WDR19: variants seen among roughly 807,000 people sequenced by gnomAD.
WDR19 encodes WD repeat domain 19.
A neutral mutation model predicts 180.0 loss-of-function variants in WDR19; 121 were observed. The observed-to-expected ratio is 0.67, with a 90% confidence interval of 0.58 to 0.78. The LOEUF is 0.78. Ranked by LOEUF, WDR19 falls within the 30% of genes least tolerant of loss-of-function variation. The pLI, the probability that WDR19 is intolerant of heterozygous loss-of-function variation, is 0.00. For synonymous variants in WDR19, 497 were observed against 540.7 expected (o/e 0.92, Z 1.12); for missense variants, 1,450 against 1,640.7 (o/e 0.88, Z 2.01).
intron 9 of WDR19, among the ~76,000 whole-genome samples, chr4:39,210,489 C>T (rs1055680618): frequency 1.8e-4 from 27 of 152,104 alleles, no homozygotes; most frequent in Non-Finnish European, 1.8e-4. Flanking sequence ...TCGAGACCAG[C>T]CTGGGCAATA....
intron 19 of WDR19, 53 bp from the exon 20 acceptor site, chr4:39,234,713 C>A: frequency 1.6e-6 from 2 of 1,214,018 alleles, no homozygotes; most frequent in Non-Finnish European, 2.4e-6. Flanking sequence ...TTTGTGGTAA[C>A]TTTGCAAAAT....
Position 39,254,039 on chromosome 4 carries a change from C to T in WDR19, c.3001+9C>T, listed in dbSNP as rs1318288083. ...CTATGCAGATATTATTGGTAAATAT[C>T]ATTTTTTCCCTGGTTCTCTTCAAGA... On this transcript the variant is annotated intron_variant, in intron 26 of 36. Coordinates refer to ENST00000399820, the MANE Select transcript of WDR19 (RefSeq NM_025132.4). The T allele has an allele frequency of 6.2e-7, 1 of 1,603,830 alleles. No individual in the cohort carries two copies.
intron 17 of WDR19, among the ~76,000 whole-genome samples, chr4:39,231,042 T>C (rs567219353): frequency 7.2e-4 from 110 of 151,788 alleles, no homozygotes; most frequent in African/African-American, 2.6e-3. Flanking sequence ...CCGGGGACGG[T>C]GGCTCACACC....
In WDR19 at chr4:39,215,293, T is replaced by TTTTCTTTC. The variant is rs756637025; in HGVS notation, c.962-541_962-540insCTTTCTTT. On this transcript the variant is annotated intron_variant, in intron 10 of 36. Transcript: ENST00000399820. ...ACATACATGGTCCATATTTACTACC[T>TTTTCTTTC]TTTCTTTGTTTCTTTCTTTCTTTCT... is the stretch of plus-strand genomic sequence containing the variant. 2.4e-3 allele frequency among the ~76,000 whole-genome samples: 355 copies of TTTTCTTTC among 145,358 alleles called. 1 individual carries two copies. The highest frequency in any genetic ancestry group is 4.8e-3 in the African/African-American group (188 of 39,558).
intron 30 of WDR19, among the ~76,000 whole-genome samples, chr4:39,268,924 G>A (rs897968792): frequency 5.3e-5 from 8 of 152,222 alleles, no homozygotes; most frequent in Non-Finnish European, 8.8e-5. Flanking sequence ...GCATCCTGAA[G>A]GTTGGGGTAG....
chr4:39,237,134 A>G (rs1731462137), intron 20 of WDR19, among the ~76,000 whole-genome samples: 3 of 152,258 alleles, frequency 2.0e-5, no homozygotes, highest in Admixed American at 2.0e-4. Context: ...TTAAACAAAG[A>G]AAGTATAGTT....
chr4:39,259,048 A>G (rs923063593), intron 28 of WDR19, among the ~76,000 whole-genome samples: 1 of 152,232 alleles, frequency 6.6e-6, no homozygotes, highest in Non-Finnish European at 1.5e-5. Flanking sequence ...AGCCTGGGCA[A>G]CAAGAATGAA....
intron 28 of WDR19, among the ~76,000 whole-genome samples, chr4:39,263,039 C>G (rs1734442506): frequency 6.6e-6 from 1 of 152,150 alleles, no homozygotes; most frequent in Non-Finnish European, 1.5e-5. Context: ...TTACTGGGTA[C>G]ATCGTCAAAA....
At chr4:39,244,680 A>C in intron 23 of WDR19, 128 bp downstream of exon 23, 1 of 895,850 alleles carries the variant, frequency 1.1e-6, no homozygotes, top group Non-Finnish European at 1.7e-6. Flanking sequence ...CCTACCCTTC[A>C]TCTCTTTTGT....
intron 4 of WDR19, among the ~76,000 whole-genome samples, chr4:39,190,405 G>A (rs1196364006): frequency 6.6e-6 from 1 of 152,208 alleles, no homozygotes; most frequent in African/African-American, 2.4e-5. Flanking sequence ...TGCTAAAAGA[G>A]AAACCAGTTT....
Position 39,253,221 on chromosome 4 carries a change from C to A in WDR19, c.2805C>A (p.Leu935=). Residue 935 remains leucine (L), a synonymous_variant, in exon 25 of 37, where the codon CTC becomes CTA. Transcript: ENST00000399820. ...QSVIRIYLDH[L]NNPEKAVNIV... is the part of the protein sequence containing the mutation. ...TAATCCGCATCTATCTGGATCACCT[C>A]AATAATCCTGAAAAAGCTGTCAATA... The A allele has an allele frequency of 6.2e-7, 1 of 1,613,536 alleles. No individual in the cohort carries two copies. The highest frequency in any genetic ancestry group is 8.5e-7 in the Non-Finnish European group (1 of 1,179,720).
chr4:39,256,503 T>C (rs899576760), intron 27 of WDR19, among the ~76,000 whole-genome samples: 10 of 152,224 alleles, frequency 6.6e-5, no homozygotes, highest in Admixed American at 2.6e-4. Context: ...ATCCAGGCCC[T>C]GTAGTGCCAG....
intron 32 of WDR19, chr4:39,273,365 TC>T (rs1735572203): frequency 1.1e-5 from 4 of 365,786 alleles, no homozygotes; most frequent in African/African-American, 2.2e-5. Flanking sequence ...CCTCCAAGAG[TC>T]CCTTCCCAGT....
chr4:39,215,906 C>T lies in WDR19; in HGVS notation c.1027C>T (p.Leu343Phe). The T allele has an allele frequency of 6.2e-7, 1 of 1,613,858 alleles. No homozygotes were observed. Among genetic ancestry groups the T allele is most frequent in the African/African-American group, 1.3e-5 (1 of 75,042 alleles). The change falls in exon 11 of 37, where the codon CTT becomes TTT. Residue 343 changes from leucine (L) to phenylalanine (F), a missense_variant. By Grantham distance (22) the Leu-to-Phe change is conservative. Transcript: ENST00000399820. The part of the protein sequence containing the change: ...LLALSTQRGS[L>F]HVFLTKLPIL... ...AGCACTCTCTACCCAAAGGGGCTCA[C>T]TTCATGTTTTCCTGACCAAGCTTCC...
At chr4:39,215,812 A>G in intron 10 of WDR19, 29 bp from the exon 11 acceptor site, 1 of 1,582,006 alleles carries the variant, frequency 6.3e-7, no homozygotes, top group Non-Finnish European at 8.6e-7. Context: ...TTGTTTTTGA[A>G]TAATCATTTA....
At position 39,185,708 on chromosome 4, in the gene WDR19, A is replaced by G; in HGVS notation, c.7-18A>G. Reference sequence around the variant, plus strand: ...ATTGTATGTTTTGAAAATATTAAAAATTGTGTTTATTTTTTAGCGTATTTT... The same window carrying G: ...ATTGTATGTTTTGAAAATATTAAAAGTTGTGTTTATTTTTTAGCGTATTTT... On this transcript the variant is annotated intron_variant, in intron 1 of 36. Transcript: ENST00000399820. The G allele has an allele frequency of 6.5e-7, 1 of 1,550,022 alleles. No individual in the cohort carries two copies. Among genetic ancestry groups the G allele is most frequent in the Non-Finnish European group, 8.7e-7 (1 of 1,145,524 alleles).
chr4:39,228,085 G>A (rs1730461497), intron 15 of WDR19, 125 bp from the exon 16 acceptor site: 1 of 921,396 alleles, frequency 1.1e-6, no homozygotes, highest in Non-Finnish European at 1.6e-6. Context: ...TGTTGTTGGA[G>A]TGATGTTAGG....
In WDR19 at chr4:39,189,749, A is replaced by G. The variant is rs2109250941; in HGVS notation, c.258A>G (p.Thr86=). 2 of 1,611,058 alleles carry G rather than the reference A, an allele frequency of 1.2e-6. No individual in the cohort carries two copies. The change falls in exon 4 of 37, where the codon ACA becomes ACG. Residue 86 remains threonine (T), a synonymous_variant. Transcript: ENST00000399820. ...SSCIYLWDAN[T]NKTSQLDNGM... Reference sequence around the variant, plus strand: ...GCATTTATCTTTGGGATGCCAACACAAATAAGACCAGCCAGTTAGACAATG... The same window carrying G: ...GCATTTATCTTTGGGATGCCAACACGAATAAGACCAGCCAGTTAGACAATG...
intron 19 of WDR19, among the ~76,000 whole-genome samples, chr4:39,233,307 G>T (rs1731066978): frequency 6.6e-6 from 1 of 152,158 alleles, no homozygotes; most frequent in African/African-American, 2.4e-5. Context: ...TGGCAATATA[G>T]ACTAGCAATG....
Sources: gnomAD v4.1 joint callset for allele counts (sites outside exome capture counted in the v4.1 genomes callset) on GRCh38, gnomAD v4.1.1 for gene constraint, MANE v1.5 for transcripts, NCBI Gene and HGNC (gene_info 2026-07-23, HGNC 2026-07-21) for gene names.